NUP58: variants seen among roughly 807,000 people sequenced by gnomAD.
The protein encoded by NUP58 is nucleoporin 58.
NUP58 carries 17 observed loss-of-function variants against 70.1 expected under a neutral mutation model. The observed-to-expected ratio is 0.24, with a 90% CI of 0.17 to 0.36. NUP58 has a LOEUF of 0.36. NUP58 is among the 10% of genes least tolerant of loss of function. The probability of loss-of-function intolerance (pLI) is 1.00; values close to 1 mark genes in which losing one functional copy is unlikely to be tolerated. For missense variants in NUP58, 644 were observed against 701.5 expected (o/e 0.92, Z 0.93); for synonymous variants, 275 against 257.6 (o/e 1.07, Z -0.65).
intron 3 of NUP58, chr13:25,310,003 G>A: frequency 2.5e-6 from 1 of 402,740 alleles, no homozygotes; most frequent in Non-Finnish European, 5.0e-6. Context: ...GACTGGATCA[G>A]CTGCAAACAC....
intron 15 of NUP58, 54 bp from the exon 16 acceptor site, chr13:25,339,911 A>G (rs1283049948): frequency 6.9e-7 from 1 of 1,447,776 alleles, no homozygotes; most frequent in African/African-American, 1.5e-5. Flanking sequence ...CTGTTTTTAT[A>G]TTTGTTTTTG....
chr13:25,335,416 G>A (rs1049554652), intron 13 of NUP58: 104 of 985,160 alleles, frequency 1.1e-4, no homozygotes, highest in Non-Finnish European at 1.2e-4. Flanking sequence ...TGACAAACAA[G>A]TCTCTCAATG....
chr13:25,305,529 C>CTTCATATGCCCAAGG (rs1168882466), intron 1 of NUP58, among the ~76,000 whole-genome samples: 1 of 152,060 alleles, frequency 6.6e-6, no homozygotes, highest in Non-Finnish European at 1.5e-5. Context: ...CCTGCCTCGC[C>CTTCATATGCCCAAGG]TTCATATGCC....
intron 13 of NUP58, chr13:25,333,183 A>G (rs1022334699): frequency 1.4e-4 from 134 of 985,168 alleles, no homozygotes; most frequent in Non-Finnish European, 1.6e-4. Flanking sequence ...AGAAATTCAT[A>G]GGTTTTCACT....
intron 12 of NUP58, among the ~76,000 whole-genome samples, chr13:25,328,668 A>C (rs1443530782): frequency 6.6e-6 from 1 of 152,114 alleles, no homozygotes; most frequent in Non-Finnish European, 1.5e-5. Context: ...AAGTGCTAGG[A>C]TTTATGGGCA....
In NUP58 at chr13:25,313,465, A is replaced by T. The variant is rs1435993212; in HGVS notation, c.437-149A>T. On this transcript the variant is annotated intron_variant, in intron 4 of 15. Transcript: ENST00000381736. Reference sequence around the variant, plus strand: ...TGCTTTGAAGCTGCTATTTCTCTTTATTCTTAAGTATGTAATTTTTAGCAA... The same window carrying T: ...TGCTTTGAAGCTGCTATTTCTCTTTTTTCTTAAGTATGTAATTTTTAGCAA... 2.4e-5 allele frequency: 16 copies of T among 676,988 alleles called. No homozygotes were observed. In the Admixed American group the frequency reaches 5.7e-4, roughly 24 times the overall value. 41.9% of individuals were successfully genotyped at this position (676,988 alleles called of 1,614,324 possible). A position where few individuals can be genotyped will look rare whatever the true frequency, so the allele number is the denominator to read the frequency against.
At chr13:25,302,412 T>C (rs1451380463) in intron 1 of NUP58, among the ~76,000 whole-genome samples, 1 of 152,208 alleles carries the variant, frequency 6.6e-6, no homozygotes, top group African/African-American at 2.4e-5. Flanking sequence ...CAAAAACACT[T>C]TTTTACAGTG....
rs144250751 is a variant in NUP58 at position 25,315,405 on chromosome 13, C to A, written c.623C>A (p.Thr208Asn). Residue 208 changes from threonine (T) to asparagine (N), a missense_variant, in exon 6 of 16, where the codon ACT (threonine) becomes AAT (asparagine). By Grantham distance (65) the Thr-to-Asn change is moderately conservative (BLOSUM62 0). Around this residue, in one of 4 missense-constraint regions of NUP58, gnomAD observed 430 missense variants for 409.2 expected, o/e 1.05. Transcript: ENST00000381736. ...TTGACTTTGGGAACTACAGCAGCTACTTCAACTGCAGGCAATGAAGGCCTT... is the reference window on the plus strand; with the variant it reads ...TTGACTTTGGGAACTACAGCAGCTAATTCAACTGCAGGCAATGAAGGCCTT... Reference protein sequence around the residue: ...LGLTLGTTAATSTAGNEGLGG... With the variant: ...LGLTLGTTAANSTAGNEGLGG... 174 of 1,613,868 alleles carry A rather than the reference C, an allele frequency of 1.1e-4. No individual in the cohort carries two copies. Among genetic ancestry groups the A allele is most frequent in the Non-Finnish European group, 1.3e-4 (157 of 1,179,890 alleles).
At chr13:25,339,653 GA>G (rs2031895481) in intron 15 of NUP58, among the ~76,000 whole-genome samples, 1 of 152,252 alleles carries the variant, frequency 6.6e-6, no homozygotes, top group East Asian at 1.9e-4. Context: ...TGGGTCTAAG[GA>G]GGAAGGCACC....
At chr13:25,332,199 C>T in intron 13 of NUP58, 1 of 985,662 alleles carries the variant, frequency 1.0e-6, no homozygotes, top group Non-Finnish European at 1.2e-6. Context: ...GTGGATTGCA[C>T]ATTAAGGAGC....
intron 1 of NUP58, among the ~76,000 whole-genome samples, 154 bp downstream of exon 1, chr13:25,302,034 C>G (rs971860236): frequency 6.6e-6 from 1 of 152,204 alleles, no homozygotes; most frequent in African/African-American, 2.4e-5. Flanking sequence ...CGTCGTAGGC[C>G]TCTCGCCGCG....
chr13:25,333,622 G>A (rs2031684665), intron 13 of NUP58: 1 of 985,194 alleles, frequency 1.0e-6, no homozygotes, highest in Non-Finnish European at 1.2e-6. Flanking sequence ...GGTCTCCCAG[G>A]CCTTCCCAGT....
At chr13:25,307,293 C>T (rs191823249) in intron 1 of NUP58, among the ~76,000 whole-genome samples, 17 of 144,306 alleles carry the variant, frequency 1.2e-4, no homozygotes, top group Non-Finnish European at 2.2e-4. Flanking sequence ...CAGCTGACTG[C>T]GACCTGCCTC....
intron 13 of NUP58, chr13:25,332,914 AAACC>A (rs1312767754): frequency 6.1e-6 from 6 of 985,344 alleles, no homozygotes. Flanking sequence ...CCAGTTAATC[AAACC>A]AACCATAGTA....
chr13:25,325,088 A>C lies in NUP58; in HGVS notation c.1031+20A>C. 6.5e-7 allele frequency: 1 copy of C among 1,534,294 alleles called. No individual in the cohort carries two copies. Among genetic ancestry groups the C allele is most frequent in the South Asian group, 1.1e-5 (1 of 87,766 alleles). On this transcript the variant is annotated intron_variant, in intron 10 of 15. Transcript: ENST00000381736. ...TGCTGAGTAAGTTGCTGGATTTTTAAAAACAAATGTTTCTCACTTTCAGAA... is the reference window on the plus strand; with the variant it reads ...TGCTGAGTAAGTTGCTGGATTTTTACAAACAAATGTTTCTCACTTTCAGAA...
chr13:25,313,834 C>T, intron 5 of NUP58, 83 bp downstream of exon 5: 2 of 1,154,612 alleles, frequency 1.7e-6, no homozygotes, highest in Non-Finnish European at 2.3e-6. Flanking sequence ...TTGAGCAGGT[C>T]ACTTTTTAAT....
intron 1 of NUP58, among the ~76,000 whole-genome samples, chr13:25,306,187 C>T (rs1357078220): frequency 5.9e-5 from 9 of 152,066 alleles, no homozygotes; most frequent in East Asian, 1.9e-4. Context: ...AGGTGGATCA[C>T]GAGGTCAGGA....
chr13:25,308,110 G>A (rs941163750), intron 2 of NUP58, 162 bp downstream of exon 2: 9 of 637,786 alleles, frequency 1.4e-5, no homozygotes, highest in Non-Finnish European at 1.7e-5. Context: ...TTAAGGGCTA[G>A]TGATAGGCCC....
chr13:25,302,776 G>C (rs539155909), intron 1 of NUP58, among the ~76,000 whole-genome samples: 2 of 152,286 alleles, frequency 1.3e-5, no homozygotes, highest in African/African-American at 4.8e-5. Flanking sequence ...ATGACCTGCA[G>C]TTTAAAAAGG....
Sources: gnomAD v4.1 joint callset for allele counts (sites outside exome capture counted in the v4.1 genomes callset) on GRCh38, gnomAD v4.1.1 for gene constraint, gnomAD v4.1.1 regional missense constraint, MANE v1.5 for transcripts, NCBI Gene and HGNC (gene_info 2026-07-23, HGNC 2026-07-21) for gene names.